The following EIF4G3 variants were observed in gnomAD, a reference collection of about 807,000 sequenced individuals.
EIF4G3 encodes eukaryotic translation initiation factor 4 gamma 3.
EIF4G3 carries 34 observed loss-of-function variants against 186.4 expected under a neutral mutation model. The ratio of observed to expected loss-of-function variants is 0.18; its 90% CI spans 0.14 to 0.24. The LOEUF (loss-of-function observed/expected upper bound fraction) is 0.24. EIF4G3 is among the 10% of genes least tolerant of loss of function. EIF4G3 has a pLI of 1.00. For missense variants in EIF4G3, 1,536 were observed against 1,948.5 expected, an observed-to-expected ratio of 0.79 and a Z score of 3.99; for synonymous variants, 673 against 679.5, an observed-to-expected ratio of 0.99 and a Z score of 0.15.
At chr1:20,816,406 G>A (rs1242560821) in intron 34 of EIF4G3, among the ~76,000 whole-genome samples, 4 of 125,462 alleles carry the variant, frequency 3.2e-5, no homozygotes, top group African/African-American at 6.0e-5. Flanking sequence ...CGCCCCGTCC[G>A]GGAGGTGGGG....
At chr1:20,914,893 T>C (rs1489570819) in intron 14 of EIF4G3, among the ~76,000 whole-genome samples, 1 of 152,224 alleles carries the variant, frequency 6.6e-6, no homozygotes, top group Non-Finnish European at 1.5e-5. Flanking sequence ...AGAATGTGTA[T>C]CTACTGTTTG....
At chr1:21,019,507 C>T (rs537929146) in intron 4 of EIF4G3, among the ~76,000 whole-genome samples, 4 of 152,156 alleles carry the variant, frequency 2.6e-5, no homozygotes, top group Admixed American at 2.0e-4. Flanking sequence ...AAACATGATG[C>T]CTTTTTTATG....
chr1:21,027,750 G>A (rs909820842), intron 4 of EIF4G3, among the ~76,000 whole-genome samples: 1 of 152,152 alleles, frequency 6.6e-6, no homozygotes, highest in Non-Finnish European at 1.5e-5. Context: ...ACAAAAAATA[G>A]GAATAACCAT....
At chr1:20,841,971 C>A (rs533058462) in intron 29 of EIF4G3, among the ~76,000 whole-genome samples, 1 of 150,206 alleles carries the variant, frequency 6.7e-6, no homozygotes, top group South Asian at 2.2e-4. Context: ...GGTGTCTCAC[C>A]ACTGCCGCTT....
At chr1:21,051,332 T>C (rs989362478) in intron 3 of EIF4G3, among the ~76,000 whole-genome samples, 4 of 151,918 alleles carry the variant, frequency 2.6e-5, no homozygotes, top group Admixed American at 6.6e-5. Context: ...AAGAAATAAA[T>C]GGTTGAAAGA....
intron 2 of EIF4G3, among the ~76,000 whole-genome samples, chr1:21,141,596 G>T (rs2097340735): frequency 6.6e-6 from 1 of 151,954 alleles, no homozygotes; most frequent in Admixed American, 6.6e-5. Flanking sequence ...CAACCCTGTA[G>T]GAGAGAAATG....
intron 4 of EIF4G3, among the ~76,000 whole-genome samples, chr1:21,026,258 C>A (rs147624276): frequency 6.6e-6 from 1 of 151,964 alleles, no homozygotes; most frequent in Admixed American, 6.6e-5. Context: ...TATGTTCAAA[C>A]GATTTTTGAA....
intron 2 of EIF4G3, among the ~76,000 whole-genome samples, chr1:21,127,412 T>A (rs1236752497): frequency 6.6e-6 from 1 of 152,232 alleles, no homozygotes; most frequent in East Asian, 1.9e-4. Flanking sequence ...ACAGCACTTA[T>A]CACCATCTGA....
intron 2 of EIF4G3, among the ~76,000 whole-genome samples, chr1:21,099,128 A>G (rs1036133835): frequency 6.6e-6 from 1 of 152,240 alleles, no homozygotes; most frequent in African/African-American, 2.4e-5. Flanking sequence ...ATGAGTGCTG[A>G]TAAGGATGAG....
rs532593245 is a variant in EIF4G3 at position 20,838,685 on chromosome 1, CT to C, written c.4061+2170del. 8.6e-5 allele frequency among the ~76,000 whole-genome samples: 13 copies of C among 150,394 alleles called. 1 individual carries two copies. Among genetic ancestry groups the C allele is most frequent in the African/African-American group, 2.2e-4 (9 of 40,986 alleles). On this transcript the variant is annotated intron_variant, in intron 30 of 36. Transcript: ENST00000602326. ...AATCTAGCTTATTGCTGAAAGAAAA[CT>C]TTTTTTTTTCCCCAGACGTGGTCTC...
At chr1:21,092,289 A>G (rs2096232456) in intron 2 of EIF4G3, among the ~76,000 whole-genome samples, 1 of 152,198 alleles carries the variant, frequency 6.6e-6, no homozygotes, top group African/African-American at 2.4e-5. Context: ...ATGCTGGATT[A>G]CATTTATTGA....
intron 2 of EIF4G3, among the ~76,000 whole-genome samples, chr1:21,173,137 C>CAAAAAAAAA (rs1193601902): frequency 3.4e-5 from 1 of 29,192 alleles, no homozygotes; most frequent in African/African-American, 1.1e-4. Context: ...GACTCAATCT[C>CAAAAAAAAA]AAAAAAAAAA....
At chr1:21,021,239 C>T (rs1348451361) in intron 4 of EIF4G3, among the ~76,000 whole-genome samples, 1 of 152,184 alleles carries the variant, frequency 6.6e-6, no homozygotes, top group East Asian at 1.9e-4. Flanking sequence ...CCACCTCAGC[C>T]CCCCAAAGTG....
At position 20,865,093 on chromosome 1, in the gene EIF4G3, T is replaced by C. The variant is rs2154552339; in HGVS notation, c.2769+23A>G. The C allele has an allele frequency of 1.2e-6, 2 of 1,613,796 alleles. 1 individual carries two copies. The highest frequency in any genetic ancestry group is 3.3e-4 in the Middle Eastern group (2 of 6,062). ...TACAGTGCTCAAAGTGTACAAGCAC[T>C]GTCTTTCTATGAAAATACTTACAGC... On this transcript the variant is annotated intron_variant, in intron 21 of 36. Coordinates refer to ENST00000602326, the MANE Select transcript of EIF4G3 (RefSeq NM_001391906.1).
intron 4 of EIF4G3, among the ~76,000 whole-genome samples, chr1:21,023,166 G>A (rs2091157737): frequency 6.6e-6 from 1 of 151,612 alleles, no homozygotes; most frequent in African/African-American, 2.4e-5. Context: ...TATGCACAGG[G>A]ATTTACAATT....
At chr1:21,101,562 G>GAAAAAAAA (rs57590306) in intron 2 of EIF4G3, among the ~76,000 whole-genome samples, 17 of 35,360 alleles carry the variant, frequency 4.8e-4, no homozygotes, top group African/African-American at 6.0e-4. Flanking sequence ...AGGGTCTCAG[G>GAAAAAAAA]AAAAAAAAAA....
At chr1:21,156,933 C>T (rs2097671979) in intron 2 of EIF4G3, among the ~76,000 whole-genome samples, 1 of 152,042 alleles carries the variant, frequency 6.6e-6, no homozygotes, top group Admixed American at 6.6e-5. Context: ...CTGGGACCAC[C>T]TGTGGTCCCT....
At chr1:21,155,014 G>A (rs1203579104) in intron 2 of EIF4G3, among the ~76,000 whole-genome samples, 3 of 152,066 alleles carry the variant, frequency 2.0e-5, no homozygotes, top group East Asian at 1.9e-4. Flanking sequence ...TGTAATCCCA[G>A]AACTTTGGGA....
chr1:21,038,575 C>G (rs764339149), intron 4 of EIF4G3, among the ~76,000 whole-genome samples: 12 of 152,154 alleles, frequency 7.9e-5, no homozygotes, highest in Non-Finnish European at 1.5e-4. Context: ...ATTTGTCACA[C>G]GAGACCACTA....
Sources: gnomAD v4.1 joint callset for allele counts (sites outside exome capture counted in the v4.1 genomes callset) on GRCh38, gnomAD v4.1.1 for gene constraint, MANE v1.5 for transcripts, NCBI Gene and HGNC (gene_info 2026-07-23, HGNC 2026-07-21) for gene names.